Variants in CAST observed in about 807,000 individuals in gnomAD.
CAST encodes MIR583 host.
In CAST, 76 loss-of-function variants were observed where a neutral mutation model predicts 119.6. The observed-to-expected ratio is 0.64, with a 90% CI of 0.53 to 0.77. CAST has a LOEUF of 0.77. Ranked by LOEUF, CAST falls within the 30% of genes least tolerant of loss-of-function variation. CAST has a pLI of 0.00. For missense variants in CAST, 953 were observed against 946.5 expected (o/e 1.01, Z -0.09); for synonymous variants, 319 against 331.6 (o/e 0.96, Z 0.41).
chr5:96,273,638 T>A, the CAST span, among the ~76,000 whole-genome samples: 1 of 152,216 alleles, frequency 6.6e-6, no homozygotes, highest in East Asian at 1.9e-4. Flanking sequence ...TTTAAACTGA[T>A]CCCATGCCTT....
chr5:96,540,302 T>G (rs1451244508), intron 1 of CAST, among the ~76,000 whole-genome samples: 1 of 152,148 alleles, frequency 6.6e-6, no homozygotes, highest in Non-Finnish European at 1.5e-5. Flanking sequence ...ATCATTCTCC[T>G]TCTGCCTAAA....
chr5:95,995,691 C>T, the CAST span, among the ~76,000 whole-genome samples: 8 of 152,008 alleles, frequency 5.3e-5, no homozygotes. Flanking sequence ...TGTCAGGGTC[C>T]AGTGCAGAGC....
chr5:96,283,780 G>A, the CAST span, among the ~76,000 whole-genome samples: 1 of 152,354 alleles, frequency 6.6e-6, no homozygotes, highest in Non-Finnish European at 1.5e-5. Context: ...TGCTTGTAAA[G>A]TGTCGTAAAT....
the CAST span, among the ~76,000 whole-genome samples, chr5:96,005,133 A>T: frequency 6.6e-6 from 1 of 152,168 alleles, no homozygotes; most frequent in Non-Finnish European, 1.5e-5. Flanking sequence ...AGTTTTAAAA[A>T]CTCATCTTCT....
In CAST at chr5:96,616,753, TACACACACACACACAC is replaced by T. The variant is rs377159898; in HGVS notation, c.61-58758_61-58743del. Among the ~76,000 whole-genome samples the T allele has an allele frequency of 6.6e-3, 867 of 130,834 alleles. 15 individuals are homozygous for T. The highest frequency in any genetic ancestry group is 0.022 in the African/African-American group (803 of 36,400). 85.8% of individuals were successfully genotyped at this position (130,834 alleles called of 152,430 possible). On this transcript the variant is annotated intron_variant, in intron 1 of 11. Coordinates refer to the CAST transcript ENST00000505143. Reference sequence around the variant, plus strand: ...CGCTCTCTCTCTCTCTCTATATATATACACACACACACACACACACACACACACACACACACACACA... The same window carrying T: ...CGCTCTCTCTCTCTCTCTATATATATACACACACACACACACACACACACA...
chr5:96,160,432 T>C, the CAST span, among the ~76,000 whole-genome samples: 11 of 152,190 alleles, frequency 7.2e-5, no homozygotes, highest in Admixed American at 6.5e-5. Flanking sequence ...TTGTAGCAAG[T>C]ATCAGTACTT....
At chr5:95,979,005 G>C in the CAST span, among the ~76,000 whole-genome samples, 1 of 152,082 alleles carries the variant, frequency 6.6e-6, no homozygotes, top group African/African-American at 2.4e-5. Context: ...CAGTGAACTG[G>C]TGGCAGTATC....
At chr5:96,665,192 A>G (rs1459873098) in intron 1 of CAST, among the ~76,000 whole-genome samples, 4 of 152,198 alleles carry the variant, frequency 2.6e-5, no homozygotes, top group African/African-American at 9.7e-5. Flanking sequence ...AGTGCTATTC[A>G]ATAGAAACAT....
At chr5:96,247,603 T>G in the CAST span, among the ~76,000 whole-genome samples, 1 of 152,200 alleles carries the variant, frequency 6.6e-6, no homozygotes. Flanking sequence ...ACTTTTTCTT[T>G]CCCTCTAAGG....
chr5:96,773,127 T>C lies in CAST; in HGVS notation c.*511T>C, dbSNP rs1053341370. On this transcript the variant is annotated 3_prime_UTR_variant, in exon 32 of 32. Transcript: ENST00000675179. Reference sequence around the variant, plus strand: ...AACTGTATTTGATGTTGCTTTGGGATAATGTTTATAAGTCAAACATAAGAT... The same window carrying C: ...AACTGTATTTGATGTTGCTTTGGGACAATGTTTATAAGTCAAACATAAGAT... The C allele has an allele frequency of 1.9e-5, 3 of 153,888 alleles. No individual in the cohort carries two copies. The highest frequency in any genetic ancestry group is 1.5e-5 in the Non-Finnish European group (1 of 68,008). 9.5% of individuals were successfully genotyped at this position (153,888 alleles called of 1,614,324 possible).
chr5:96,576,328 C>T (rs916977085), intron 1 of CAST, among the ~76,000 whole-genome samples: 3 of 151,974 alleles, frequency 2.0e-5, no homozygotes, highest in African/African-American at 7.3e-5. Flanking sequence ...CCAGTTAAAT[C>T]ATCTAGATCT....
At chr5:96,382,083 C>A in the CAST span, among the ~76,000 whole-genome samples, 2 of 152,162 alleles carry the variant, frequency 1.3e-5, no homozygotes, top group African/African-American at 4.8e-5. Flanking sequence ...GATAACTAAG[C>A]AGCCGAATGA....
At chr5:95,983,394 T>G in the CAST span, among the ~76,000 whole-genome samples, 1 of 152,210 alleles carries the variant, frequency 6.6e-6, no homozygotes, top group Non-Finnish European at 1.5e-5. Context: ...CATAACTCTG[T>G]TAGGCATAGT....
chr5:96,609,933 G>A lies in CAST; in HGVS notation c.61-65606G>A, dbSNP rs1747329003. Among the ~76,000 whole-genome samples the A allele has an allele frequency of 3.9e-5, 6 of 152,134 alleles. No individual in the cohort carries two copies. The South Asian group carries it at 1.2e-3, about 32-fold the overall frequency. On this transcript the variant is annotated intron_variant, in intron 1 of 11. Transcript: ENST00000505143. ...CATGGCATGATTGGTTTTGAAATGT[G>A]AGGAGATGAGATTTGGGAGGGGCCA...
chr5:96,499,443 C>T, the CAST span, among the ~76,000 whole-genome samples: 1 of 152,180 alleles, frequency 6.6e-6, no homozygotes, highest in African/African-American at 2.4e-5. Context: ...TTTAAAACTA[C>T]TTTATGCTAA....
At chr5:96,164,345 C>T in the CAST span, among the ~76,000 whole-genome samples, 4 of 152,186 alleles carry the variant, frequency 2.6e-5, no homozygotes, top group African/African-American at 4.8e-5. Context: ...AAAGTGTCAA[C>T]TGAAATCAAA....
the CAST span, among the ~76,000 whole-genome samples, chr5:96,347,986 G>T: frequency 2.0e-5 from 3 of 152,152 alleles, no homozygotes; most frequent in African/African-American, 7.2e-5. Flanking sequence ...AGAAAGTATT[G>T]CCTACAAATA....
the CAST span, among the ~76,000 whole-genome samples, chr5:96,388,061 G>C: frequency 1.3e-5 from 2 of 152,244 alleles, no homozygotes; most frequent in African/African-American, 4.8e-5. Context: ...GGTGCATATG[G>C]ATGTGGAGGA....
the CAST span, among the ~76,000 whole-genome samples, chr5:96,116,313 G>A: frequency 1.3e-5 from 2 of 152,128 alleles, no homozygotes; most frequent in Non-Finnish European, 2.9e-5. Flanking sequence ...AGTATTTCAT[G>A]TCATAGATAT....
Sources: gnomAD v4.1 joint callset for allele counts (sites outside exome capture counted in the v4.1 genomes callset) on GRCh38, gnomAD v4.1.1 for gene constraint, MANE v1.5 for transcripts, NCBI Gene and HGNC (gene_info 2026-07-23, HGNC 2026-07-21) for gene names.